HERC2: variants seen among roughly 807,000 people sequenced by gnomAD.
HERC2 encodes the protein HECT and RLD domain containing E3 ubiquitin protein ligase 2.
HERC2 carries 102 observed loss-of-function variants against 537.7 expected under a neutral mutation model. The observed-to-expected ratio is 0.19, with a 90% CI of 0.16 to 0.22. The LOEUF (loss-of-function observed/expected upper bound fraction) is 0.22, where lower values mean the gene tolerates loss of function less well. Ranked by LOEUF, HERC2 falls within the 10% of genes least tolerant of loss-of-function variation. The pLI is 1.00. For synonymous variants in HERC2, 2,224 were observed against 2,466.2 expected (o/e 0.90, Z 2.91); for missense variants, 4,236 against 6,198.2 (o/e 0.68, Z 10.63).
At chr15:28,224,198 C>T (rs576949787) in intron 35 of HERC2, among the ~76,000 whole-genome samples, 14 of 150,396 alleles carry the variant, frequency 9.3e-5, no homozygotes, top group Non-Finnish European at 1.6e-4. Flanking sequence ...GACAGACAGA[C>T]AGATAGATAG....
In HERC2 at chr15:28,299,417, G is replaced by C; in HGVS notation, c.172C>G (p.Leu58Val). The C allele has an allele frequency of 6.4e-7, 1 of 1,574,706 alleles. No homozygotes were observed. Among genetic ancestry groups the C allele is most frequent in the Non-Finnish European group, 8.7e-7 (1 of 1,145,982 alleles). The change falls in exon 3 of 93, where the codon CTC (leucine) becomes GTC (valine). Residue 58 changes from leucine (L) to valine (V), a missense_variant. By Grantham distance (32) the Leu-to-Val change is conservative. This residue lies in a region of HERC2 where 491 missense variants were observed against 559.3 expected (regional missense o/e 0.88). Transcript: ENST00000261609. ...TGTESTQNGELPPRKDDSVEP... is the reference protein window; with the variant it reads ...TGTESTQNGEVPPRKDDSVEP... ...AGGCCCTTACCTTTTCTAGGAGGGA[G>C]CTCTCCGTTCTGGGTTGATTCTGTT...
intron 10 of HERC2, 98 bp from the exon 11 acceptor site, chr15:28,269,534 TAA>T: frequency 1.0e-6 from 1 of 953,072 alleles, no homozygotes; most frequent in South Asian, 1.7e-5. Flanking sequence ...ACAAAGCAAA[TAA>T]AGAGAAAATA....
chr15:28,255,910 C>A lies in HERC2; in HGVS notation c.2833G>T (p.Glu945Ter). The A allele has an allele frequency of 6.2e-7, 1 of 1,602,848 alleles. No homozygotes were observed. The highest frequency in any genetic ancestry group is 8.5e-7 in the Non-Finnish European group (1 of 1,179,786). Residue 945 changes from glutamate (E) to a stop codon, truncating the protein, a stop_gained, in exon 19 of 93, where the codon GAG (glutamate) becomes TAG (stop). Coordinates refer to ENST00000261609, the MANE Select transcript of HERC2 (RefSeq NM_004667.6). LOFTEE classifies it high-confidence loss of function. ...GTAATGGCTGCGTGTAAGGCTGACT[C>A]CAACCCTCCATCAGCCATCAAGCTG... is the stretch of plus-strand genomic sequence containing the variant. ...VGSLMADGGLESALHAAITAE... is the reference protein window; with the variant it reads ...VGSLMADGGL
chr15:28,253,529 A>G (rs1241153427), intron 20 of HERC2, among the ~76,000 whole-genome samples: 1 of 152,176 alleles, frequency 6.6e-6, no homozygotes, highest in Non-Finnish European at 1.5e-5. Flanking sequence ...CCTCTCACCT[A>G]TATTGAAAAG....
At position 28,269,227 on chromosome 15, in the gene HERC2, C is replaced by T. The variant is rs201066159; in HGVS notation, c.1446+21G>A. ...CTGCCCCGCAAGGGAACACTGCAGG[C>T]ACAGTGCCCAGAACACTCACCAGCG... On this transcript the variant is annotated intron_variant, in intron 11 of 92. Transcript: ENST00000261609. The T allele has an allele frequency of 1.5e-5, 24 of 1,604,938 alleles. No homozygotes were observed. The African/African-American group carries it at 3.1e-4, about 21-fold the overall frequency.
chr15:28,251,138 T>C (rs1166841415), intron 20 of HERC2, among the ~76,000 whole-genome samples: 1 of 152,102 alleles, frequency 6.6e-6, no homozygotes, highest in Non-Finnish European at 1.5e-5. Flanking sequence ...ATTCAAAATG[T>C]TCTTGGTTGT....
chr15:28,129,420 C>G (rs1889861489), intron 83 of HERC2, among the ~76,000 whole-genome samples: 1 of 152,218 alleles, frequency 6.6e-6, no homozygotes, highest in Non-Finnish European at 1.5e-5. Context: ...TCCATCAGGG[C>G]TGATCACACA....
Position 28,214,690 on chromosome 15 carries a change from A to C in HERC2, c.6323T>G (p.Leu2108Arg). ...EKLFDFLGSL[L>R]TTCSSDVPLL... is the part of the protein sequence containing the mutation. ...TGGCACGTCAGAGGAGCAGGTAGTG[A>C]GCAAGCTTCCCAAGAAGTCAAACAG... The change falls in exon 40 of 93, where the codon CTC (leucine) becomes CGC (arginine). Residue 2108 changes from leucine to arginine, a missense_variant. Leu to Arg is a moderately radical substitution (Grantham distance 102). Transcript: ENST00000261609. 6.2e-7 allele frequency: 1 copy of C among 1,612,062 alleles called. No individual in the cohort carries two copies. The highest frequency in any genetic ancestry group is 8.5e-7 in the Non-Finnish European group (1 of 1,179,866).
rs768853684 is a variant in HERC2 at position 28,115,426 on chromosome 15, T to C, written c.13722+3A>G. 2.5e-6 allele frequency: 4 copies of C among 1,610,456 alleles called. No individual in the cohort carries two copies. In the African/African-American group the frequency reaches 5.3e-5, roughly 22 times the overall value. ...GGCCCCGCCTGCCGCCCCAGGGAGTTACCTCACTGAGGTCCGCGATGGTGA... is the reference window on the plus strand; with the variant it reads ...GGCCCCGCCTGCCGCCCCAGGGAGTCACCTCACTGAGGTCCGCGATGGTGA... On this transcript the variant is annotated splice_donor_region_variant and intron_variant, in intron 89 of 92. Transcript: ENST00000261609.
intron 92 of HERC2, 64 bp from the exon 93 acceptor site, chr15:28,112,099 C>G (rs748180017): frequency 6.0e-5 from 89 of 1,483,726 alleles, no homozygotes; most frequent in Non-Finnish European, 7.8e-5. Context: ...TTACTGTGCT[C>G]ATTAGACTCT....
At chr15:28,293,761 C>G (rs113179127) in intron 3 of HERC2, among the ~76,000 whole-genome samples, 4 of 152,194 alleles carry the variant, frequency 2.6e-5, no homozygotes, top group Non-Finnish European at 5.9e-5. Flanking sequence ...CTGGGAAGCA[C>G]TGCTATGCAG....
intron 9 of HERC2, 121 bp from the exon 10 acceptor site, chr15:28,270,989 T>TCAATGATA: frequency 1.3e-6 from 1 of 747,662 alleles, no homozygotes; most frequent in South Asian, 1.7e-5. Context: ...AATGACAATG[T>TCAATGATA]CAATGATACA....
chr15:28,111,668 TCTC>T lies in HERC2; in HGVS notation c.*92_*94del. ...CCCGCCTGGCTCGAGGACGGACGCT[TCTC>T]ATCAGACACACCAGGCAGCCTACAG... On this transcript the variant is annotated 3_prime_UTR_variant, in exon 93 of 93. Transcript: ENST00000261609. The T allele has an allele frequency of 7.3e-7, 1 of 1,373,370 alleles. No homozygotes were observed. The highest frequency in any genetic ancestry group is 1.3e-5 in the South Asian group (1 of 74,902). 85.1% of individuals were successfully genotyped at this position (1,373,370 alleles called of 1,614,324 possible).
chr15:28,241,252 G>T (rs1375591084), intron 23 of HERC2, among the ~76,000 whole-genome samples: 1 of 151,950 alleles, frequency 6.6e-6, no homozygotes, highest in African/African-American at 2.4e-5. Context: ...GTATGCAAAT[G>T]GTCAATAAGC....
chr15:28,243,914 A>G (rs1186894077), intron 23 of HERC2, among the ~76,000 whole-genome samples: 1 of 152,308 alleles, frequency 6.6e-6, no homozygotes, highest in South Asian at 2.1e-4. Flanking sequence ...TATTGGCAGG[A>G]GCGCTGGCTC....
intron 59 of HERC2, among the ~76,000 whole-genome samples, chr15:28,178,385 T>C (rs1317460888): frequency 6.6e-6 from 1 of 152,246 alleles, no homozygotes; most frequent in East Asian, 1.9e-4. Context: ...GGACAGACTC[T>C]GACCCCACCT....
chr15:28,182,173 A>C (rs552286135), intron 57 of HERC2, among the ~76,000 whole-genome samples: 1 of 152,208 alleles, frequency 6.6e-6, no homozygotes, highest in African/African-American at 2.4e-5. Context: ...GCACTTGTCA[A>C]ATCTTTTCAA....
chr15:28,217,505 C>T (rs1714139208), intron 38 of HERC2, among the ~76,000 whole-genome samples: 1 of 152,084 alleles, frequency 6.6e-6, no homozygotes, highest in Non-Finnish European at 1.5e-5. Context: ...GCCCACATAC[C>T]CACCCACACT....
At chr15:28,242,387 C>T (rs1903219162) in intron 23 of HERC2, among the ~76,000 whole-genome samples, 2 of 152,178 alleles carry the variant, frequency 1.3e-5, no homozygotes, top group Admixed American at 6.5e-5. Context: ...GTTACCAAAA[C>T]CTGAATGTCT....
Sources: gnomAD v4.1 joint callset for allele counts (sites outside exome capture counted in the v4.1 genomes callset) on GRCh38, gnomAD v4.1.1 for gene constraint, gnomAD v4.1.1 regional missense constraint, MANE v1.5 for transcripts, NCBI Gene and HGNC (gene_info 2026-07-23, HGNC 2026-07-21) for gene names.